MUC5AC: variants seen among roughly 807,000 people sequenced by gnomAD.
MUC5AC encodes mucin-5AC.
MUC5AC carries 158 observed loss-of-function variants against 169.7 expected under a neutral mutation model. The ratio of observed to expected loss-of-function variants is 0.93; its 90% CI spans 0.82 to 1.06. The LOEUF is 1.06. MUC5AC is among the 50% of genes least tolerant of loss of function. The pLI, the probability that MUC5AC is intolerant of heterozygous loss-of-function variation, is 0.00. For synonymous variants in MUC5AC, 1,975 were observed against 1,237.0 expected (o/e 1.60, Z -12.52); for missense variants, 4,359 against 3,089.9 (o/e 1.41, Z -9.74).
At chr11:1,167,703 T>C (rs986046472) in intron 11 of MUC5AC, among the ~76,000 whole-genome samples, 174 bp from the exon 12 acceptor site, 1 of 152,188 alleles carries the variant, frequency 6.6e-6, no homozygotes, top group Non-Finnish European at 1.5e-5. Context: ...GATTTCTGTG[T>C]GTGCCTGGGT....
At chr11:1,173,282 C>T (rs2133739299) in intron 16 of MUC5AC, among the ~76,000 whole-genome samples, 1 of 151,842 alleles carries the variant, frequency 6.6e-6, no homozygotes, top group African/African-American at 2.4e-5. Context: ...ATTCATTACT[C>T]ACTCACTCAT....
At chr11:1,160,507 A>C in intron 1 of MUC5AC, 105 bp from the exon 2 acceptor site, 2 of 948,160 alleles carry the variant, frequency 2.1e-6, no homozygotes, top group Non-Finnish European at 3.3e-6. Context: ...ACCCCCACGC[A>C]CTGTGGCCTC....
chr11:1,161,145 G>A (rs561427601), intron 2 of MUC5AC, among the ~76,000 whole-genome samples: 2 of 152,322 alleles, frequency 1.3e-5, no homozygotes, highest in African/African-American at 4.8e-5. Flanking sequence ...CAGGGCAGGG[G>A]GCTTCAGGCA....
In MUC5AC at chr11:1,161,559, T is replaced by C; in HGVS notation, c.184T>C (p.Ser62Pro). 1 of 1,610,070 alleles carries C rather than the reference T, an allele frequency of 6.2e-7. No homozygotes were observed. Among genetic ancestry groups the C allele is most frequent in the Non-Finnish European group, 8.5e-7 (1 of 1,178,258 alleles). The change falls in exon 3 of 49, where the codon TCT (serine) becomes CCT (proline). Residue 62 changes from serine to proline, a missense_variant. Coordinates refer to ENST00000621226, the MANE Select transcript of MUC5AC (RefSeq NM_001304359.2). ...VPLRGATVFP[S>P]LRTIPVVRAS... ...GCTCCGTGGGGCGACTGTCTTCCCA[T>C]CTCTGAGGACCATCCCTGTGGTACG...
chr11:1,172,162 C>T (rs898547998), intron 15 of MUC5AC, among the ~76,000 whole-genome samples: 4 of 152,196 alleles, frequency 2.6e-5, no homozygotes, highest in East Asian at 1.9e-4. Flanking sequence ...CCCTGGAAGG[C>T]GGCACTGTGA....
Position 1,196,994 on chromosome 11 carries a change from C to A in MUC5AC, c.15861+86C>A. Reference sequence around the variant, plus strand: ...TTGAAACACCGGCCCCAGAAATGGTCAGGTGGGGCTCAGGGGTCGGGGTGT... The same window carrying A: ...TTGAAACACCGGCCCCAGAAATGGTAAGGTGGGGCTCAGGGGTCGGGGTGT... On this transcript the variant is annotated intron_variant, in intron 40 of 48. Transcript: ENST00000621226. 4.2e-6 allele frequency: 3 copies of A among 706,912 alleles called. No homozygotes were observed. In the South Asian group the frequency reaches 4.5e-5, roughly 11 times the overall value. The allele number at this position is 706,912 out of a possible 1,614,324, so 43.8% of individuals were successfully genotyped here. A position where few individuals can be genotyped will look rare whatever the true frequency, so the allele number is the denominator to read the frequency against.
At position 1,162,144 on chromosome 11, in the gene MUC5AC, G is replaced by T. The variant is rs1410037773; in HGVS notation, c.449G>T (p.Gly150Val). The change falls in exon 4 of 49, where the codon GGC becomes GTC. Residue 150 changes from glycine to valine, a missense_variant. Physicochemically the swap from Gly to Val is moderately radical, Grantham distance 109. Coordinates refer to ENST00000621226, the MANE Select transcript of MUC5AC (RefSeq NM_001304359.2). ...GGCGTGGTCATCCAGCTGACCAAGGGCTCCGTCCTGGTCAACGGCCACCCG... is the reference window on the plus strand; with the variant it reads ...GGCGTGGTCATCCAGCTGACCAAGGTCTCCGTCCTGGTCAACGGCCACCCG... Reference protein sequence around the residue: ...VDGVVIQLTKGSVLVNGHPVL... With the variant: ...VDGVVIQLTKVSVLVNGHPVL... 1.2e-6 allele frequency: 2 copies of T among 1,612,250 alleles called. No individual in the cohort carries two copies. The highest frequency in any genetic ancestry group is 2.2e-5 in the South Asian group (2 of 91,072).
intron 36 of MUC5AC, 96 bp from the exon 37 acceptor site, chr11:1,195,780 C>G (rs1861256021): frequency 9.2e-6 from 6 of 652,846 alleles, no homozygotes; most frequent in Non-Finnish European, 1.7e-5. Context: ...TGGGACTCGC[C>G]TCGCCTGGAG....
intron 38 of MUC5AC, 48 bp downstream of exon 38, chr11:1,196,523 A>G (rs760888504): frequency 5.1e-5 from 39 of 764,454 alleles, no homozygotes; most frequent in Non-Finnish European, 9.1e-5. Context: ...GGAGCCACCC[A>G]GTCCCCAGCC....
intron 42 of MUC5AC, 22 bp from the exon 43 acceptor site, chr11:1,198,246 C>T (rs1480520262): frequency 1.3e-6 from 1 of 747,724 alleles, no homozygotes; most frequent in South Asian, 1.4e-5. Flanking sequence ...GGGGGTGCAG[C>T]TGCTTGTCTT....
intron 15 of MUC5AC, among the ~76,000 whole-genome samples, chr11:1,169,781 CTCACGCTT>C (rs1860443875): frequency 1.4e-5 from 2 of 146,884 alleles, no homozygotes; most frequent in African/African-American, 5.1e-5. Flanking sequence ...CACTCACCCA[CTCACGCTT>C]TCACCCACTC....
At position 1,199,386 on chromosome 11, in the gene MUC5AC, T is replaced by A; in HGVS notation, c.16411T>A (p.Ser5471Thr). ...CTCCCTCCAGCCCGGCGAGACCTGG[T>A]CAGACGCAGGGAACCACTGTGTGAC... is the stretch of plus-strand genomic sequence containing the variant. The part of the protein sequence containing the change: ...AHLFYPGETW[S>T]DAGNHCVTHQ... Residue 5471 changes from serine (S) to threonine (T), a missense_variant, in exon 46 of 49, where the codon TCA (serine) becomes ACA (threonine). By Grantham distance (58) the Ser-to-Thr change is moderately conservative. Coordinates refer to ENST00000621226, the MANE Select transcript of MUC5AC (RefSeq NM_001304359.2). 1 of 720,282 alleles carries A rather than the reference T, an allele frequency of 1.4e-6. No individual in the cohort carries two copies. The highest frequency in any genetic ancestry group is 2.5e-6 in the Non-Finnish European group (1 of 395,164). 44.6% of individuals were successfully genotyped at this position (720,282 alleles called of 1,614,324 possible). A position where few individuals can be genotyped will look rare whatever the true frequency, so the allele number is the denominator to read the frequency against.
At chr11:1,173,522 C>T (rs1052043912) in intron 16 of MUC5AC, among the ~76,000 whole-genome samples, 1 of 151,102 alleles carries the variant, frequency 6.6e-6, no homozygotes, top group Non-Finnish European at 1.5e-5. Context: ...TTCCTTCACT[C>T]ACTCATTCAC....
In MUC5AC at chr11:1,187,163, G is replaced by A. The variant is rs1424546982; in HGVS notation, c.9018G>A (p.Ser3006=). The A allele has an allele frequency of 5.0e-5, 31 of 623,120 alleles. No individual in the cohort carries two copies. Among genetic ancestry groups the A allele is most frequent in the East Asian group, 9.0e-5 (3 of 33,506 alleles). 38.6% of individuals were successfully genotyped at this position (623,120 alleles called of 1,614,324 possible). Residue 3006 remains serine, a synonymous_variant, in exon 31 of 49, where the codon TCG becomes TCA. Coordinates refer to ENST00000621226, the MANE Select transcript of MUC5AC (RefSeq NM_001304359.2). Reference sequence around the variant, plus strand: ...CTGCCCCTACAACCAGCACAATCTCGGCCCCAACAACCAGCACACCCTCTG... The same window carrying A: ...CTGCCCCTACAACCAGCACAATCTCAGCCCCAACAACCAGCACACCCTCTG... The part of the protein sequence containing the change: ...TTSAPTTSTI[S]APTTSTPSAP...
In MUC5AC at chr11:1,187,327, C is replaced by T; in HGVS notation, c.9182C>T (p.Thr3061Ile). 1 of 726,228 alleles carries T rather than the reference C, an allele frequency of 1.4e-6. No individual in the cohort carries two copies. Among genetic ancestry groups the T allele is most frequent in the Non-Finnish European group, 2.5e-6 (1 of 397,158 alleles). The allele number at this position is 726,228 out of a possible 1,614,324, so 45.0% of individuals were successfully genotyped here. Reference protein sequence around the residue: ...STTSASTTSITSGPGTTPSPV... With the variant: ...STTSASTTSIISGPGTTPSPV... ...ACCTCGGCTTCTACCACCAGCATAACTTCTGGTCCTGGAACTACCCCAAGC... is the reference window on the plus strand; with the variant it reads ...ACCTCGGCTTCTACCACCAGCATAATTTCTGGTCCTGGAACTACCCCAAGC... Residue 3061 changes from threonine (T) to isoleucine (I), a missense_variant, in exon 31 of 49, where the codon ACT becomes ATT. Coordinates refer to ENST00000621226, the MANE Select transcript of MUC5AC (RefSeq NM_001304359.2).
chr11:1,171,330 CT>C (rs1860520562), intron 15 of MUC5AC, among the ~76,000 whole-genome samples: 1 of 135,796 alleles, frequency 7.4e-6, no homozygotes, highest in African/African-American at 2.8e-5. Context: ...ACCTCACTCA[CT>C]CACTCACGCA....
Position 1,164,533 on chromosome 11 carries a change from G to A in MUC5AC, c.1129+1G>A. The A allele has an allele frequency of 1.2e-6, 2 of 1,606,932 alleles. No homozygotes were observed. Among genetic ancestry groups the A allele is most frequent in the South Asian group, 1.1e-5 (1 of 90,162 alleles). On this transcript the variant is annotated splice_donor_variant, in intron 9 of 48. Coordinates refer to ENST00000621226, the MANE Select transcript of MUC5AC (RefSeq NM_001304359.2). LOFTEE classifies it high-confidence loss of function. The stretch of plus-strand genomic sequence containing the variant: ...GTGGCCGGCTGCTTCTGCCCTGAGG[G>A]TGAGGCTCCCCCGCCCCTGGGAAAC...
chr11:1,165,277 T>C, intron 9 of MUC5AC, 25 bp from the exon 10 acceptor site: 1 of 1,601,234 alleles, frequency 6.2e-7, no homozygotes, highest in Non-Finnish European at 8.5e-7. Context: ...CAGGCGCCCG[T>C]CATAGGCCTG....
intron 24 of MUC5AC, among the ~76,000 whole-genome samples, chr11:1,177,856 G>A (rs1860724573): frequency 6.6e-6 from 1 of 152,206 alleles, no homozygotes; most frequent in Non-Finnish European, 1.5e-5. Flanking sequence ...CCCGCACCCT[G>A]GCGGATTTGC....
Sources: allele counts gnomAD v4.1 joint callset (sites outside exome capture counted in the v4.1 genomes callset), GRCh38; gene constraint gnomAD v4.1.1; transcripts MANE v1.5; gene names NCBI Gene and HGNC (gene_info 2026-07-23, HGNC 2026-07-21).